Variants in ACSF3 observed in about 807,000 individuals in gnomAD.
ACSF3 encodes acyl-CoA synthetase family member 3.
A neutral mutation model predicts 53.2 loss-of-function variants in ACSF3; 78 were observed. That is an observed-to-expected ratio of 1.47 (90% confidence interval 1.22 to 1.77). The LOEUF is 1.77. Ranked by LOEUF, ACSF3 falls within the 40% of genes most tolerant of loss-of-function variation. ACSF3 has a pLI of 0.00. For synonymous variants in ACSF3, 414 were observed against 333.1 expected, an observed-to-expected ratio of 1.24 and a Z score of -2.65; for missense variants, 937 against 771.1, an observed-to-expected ratio of 1.22 and a Z score of -2.55.
rs1975243717 is a variant in ACSF3, at chr16:89,101,011, G to T, written c.330G>T (p.Val110=). 2 of 1,613,592 alleles carry T rather than the reference G, an allele frequency of 1.2e-6. No individual in the cohort carries two copies. Among genetic ancestry groups the T allele is most frequent in the Admixed American group, 3.3e-5 (2 of 60,006 alleles). ...GCGCTAACGATGCCTCCTACGTCGTGGCCCAGTGGGCGTCATGGATGAGTG... is the reference window on the plus strand; with the variant it reads ...GCGCTAACGATGCCTCCTACGTCGTTGCCCAGTGGGCGTCATGGATGAGTG... ...FLCANDASYV[V]AQWASWMSGG... Residue 110 remains valine, a synonymous_variant, in exon 3 of 11, where the codon GTG becomes GTT. Transcript: ENST00000614302.
At position 89,138,502 on chromosome 16, in the gene ACSF3, C is replaced by T. The variant is rs113197612; in HGVS notation, c.1366+5240C>T. On this transcript the variant is annotated intron_variant, in intron 8 of 10. Coordinates refer to ENST00000614302, the MANE Select transcript of ACSF3 (RefSeq NM_001243279.3). ...CAAGGGTGCCGACCAAGGTCAGAGC[C>T]GATCGCGGGGATGACAGGTGCCGAA... is the stretch of plus-strand genomic sequence containing the variant. 1.8e-3 allele frequency among the ~76,000 whole-genome samples: 273 copies of T among 152,350 alleles called. 9 individuals carry two copies. In the South Asian group the frequency reaches 0.053, roughly 30 times the overall value.
chr16:89,131,568 G>A (rs892803959), intron 7 of ACSF3, among the ~76,000 whole-genome samples: 1 of 151,814 alleles, frequency 6.6e-6, no homozygotes, highest in Non-Finnish European at 1.5e-5. Context: ...TAATGTTAGG[G>A]ATGAGATTCT....
At chr16:89,120,062 C>T (rs1011591230) in intron 6 of ACSF3, among the ~76,000 whole-genome samples, 1 of 152,236 alleles carries the variant, frequency 6.6e-6, no homozygotes, top group Admixed American at 6.5e-5. Flanking sequence ...CCATGAGCAG[C>T]CTCTGCCGTC....
At chr16:89,106,046 G>A (rs529865545) in intron 4 of ACSF3, among the ~76,000 whole-genome samples, 43 of 152,200 alleles carry the variant, frequency 2.8e-4, no homozygotes, top group Non-Finnish European at 5.4e-4. Context: ...TCTGCCCAGG[G>A]GCATCTGCCA....
At chr16:89,148,314 G>C (rs1226461762) in intron 10 of ACSF3, 4 of 151,962 alleles carry the variant, frequency 2.6e-5, no homozygotes, top group African/African-American at 9.7e-5. Flanking sequence ...TGTCCAGGCT[G>C]GTCTCGAACT....
Position 89,154,294 on chromosome 16 carries a change from C to T in ACSF3, c.*87C>T, listed in dbSNP as rs1386765071. 2 of 1,297,798 alleles carry T rather than the reference C, an allele frequency of 1.5e-6. No homozygotes were observed. Among genetic ancestry groups the T allele is most frequent in the Admixed American group, 1.8e-5 (1 of 56,574 alleles). 80.4% of individuals were successfully genotyped at this position (1,297,798 alleles called of 1,614,324 possible). On this transcript the variant is annotated 3_prime_UTR_variant, in exon 11 of 11. Transcript: ENST00000614302. ...CCACGGGGGCCCGTCCAAGACCTGG[C>T]CTCCCTTAAACCTGAACCCCCCAAA...
At position 89,129,042 on chromosome 16, in the gene ACSF3, A is replaced by G. The variant is rs369490551; in HGVS notation, c.1240-4094A>G. Among the ~76,000 whole-genome samples, 203 of 152,268 alleles carry G rather than the reference A, an allele frequency of 1.3e-3. 4 individuals are homozygous for G. The highest frequency in any genetic ancestry group is 4.4e-3 in the African/African-American group (183 of 41,556). ...AGCTACACAGGAGGCCGAGGCGGGA[A>G]GATCGCCTGAATCTGGGAGTTTGAG... On this transcript the variant is annotated intron_variant, in intron 7 of 10. Coordinates refer to ENST00000614302, the MANE Select transcript of ACSF3 (RefSeq NM_001243279.3).
At chr16:89,120,301 C>T (rs964427002) in intron 6 of ACSF3, among the ~76,000 whole-genome samples, 1 of 152,212 alleles carries the variant, frequency 6.6e-6, no homozygotes, top group African/African-American at 2.4e-5. Flanking sequence ...TCAGGACAGC[C>T]CCTCCTGGGG....
At chr16:89,117,330 G>A (rs1905296840) in intron 6 of ACSF3, among the ~76,000 whole-genome samples, 1 of 152,202 alleles carries the variant, frequency 6.6e-6, no homozygotes, top group African/African-American at 2.4e-5. Context: ...CGGTCACGCG[G>A]CTGGTGAGTG....
intron 10 of ACSF3, chr16:89,149,660 C>G (rs1372493503): frequency 1.3e-5 from 2 of 152,254 alleles, no homozygotes; most frequent in African/African-American, 4.8e-5. Context: ...AAACAGCTCT[C>G]AGCGGAGAGG....
chr16:89,135,756 C>G (rs372809124), intron 8 of ACSF3, among the ~76,000 whole-genome samples: 2 of 152,204 alleles, frequency 1.3e-5, no homozygotes, highest in Non-Finnish European at 2.9e-5. Flanking sequence ...ATCCGACTCA[C>G]GCTGCAGTTG....
intron 7 of ACSF3, 117 bp downstream of exon 7, chr16:89,121,030 G>C: frequency 1.1e-6 from 1 of 914,304 alleles, no homozygotes; most frequent in Non-Finnish European, 1.7e-6. Flanking sequence ...CAGGGGACCA[G>C]CCCCCTGGAC....
chr16:89,103,588 C>G (rs1975626483), intron 4 of ACSF3, among the ~76,000 whole-genome samples: 1 of 152,268 alleles, frequency 6.6e-6, no homozygotes, highest in Non-Finnish European at 1.5e-5. Context: ...CTGCAGTTCC[C>G]ACCACTGCGA....
rs1220050526 is a variant in ACSF3 at position 89,115,688 on chromosome 16, G to A, written c.1126+1201G>A. On this transcript the variant is annotated intron_variant, in intron 6 of 10. Coordinates refer to ENST00000614302, the MANE Select transcript of ACSF3 (RefSeq NM_001243279.3). ...TCTGAAGCTTTCAAGCTGTTCTCCA[G>A]AGCGGCTACACCATCCCCTTCCCCC... is the stretch of plus-strand genomic sequence containing the variant. 2.6e-5 allele frequency among the ~76,000 whole-genome samples: 4 copies of A among 152,232 alleles called. No homozygotes were observed. The East Asian group carries it at 7.7e-4, about 29-fold the overall frequency.
chr16:89,109,393 T>C (rs72817447), intron 4 of ACSF3, among the ~76,000 whole-genome samples: 5,505 of 145,486 alleles, frequency 0.038, 136 homozygotes, highest in East Asian at 0.14. Flanking sequence ...TAATGACTAC[T>C]GATGTTAAGC....
At chr16:89,120,642 C>T (rs930209448) in intron 6 of ACSF3, among the ~76,000 whole-genome samples, 159 bp from the exon 7 acceptor site, 1 of 152,238 alleles carries the variant, frequency 6.6e-6, no homozygotes. Flanking sequence ...CTGGTGCCTA[C>T]ACCATCTTCT....
intron 10 of ACSF3, chr16:89,147,645 G>A (rs1430178522): frequency 1.3e-5 from 2 of 151,556 alleles, no homozygotes; most frequent in African/African-American, 2.4e-5. Flanking sequence ...TCACTAGCAC[G>A]AGAACAGCAA....
At chr16:89,127,370 A>T (rs1908342854) in intron 7 of ACSF3, among the ~76,000 whole-genome samples, 2 of 151,460 alleles carry the variant, frequency 1.3e-5, no homozygotes, top group Admixed American at 1.3e-4. Flanking sequence ...TATTATTATT[A>T]TTTTGTGTGT....
At chr16:89,145,809 TG>T in intron 9 of ACSF3, 128 bp from the exon 10 acceptor site, 1 of 845,034 alleles carries the variant, frequency 1.2e-6, no homozygotes, top group Non-Finnish European at 2.1e-6. Flanking sequence ...GTGATTGGAG[TG>T]GGGCCTGTCC....
Sources: gnomAD v4.1 joint callset for allele counts (sites outside exome capture counted in the v4.1 genomes callset) on GRCh38, gnomAD v4.1.1 for gene constraint, MANE v1.5 for transcripts, NCBI Gene and HGNC (gene_info 2026-07-23, HGNC 2026-07-21) for gene names.